Variants in USP49 observed in about 807,000 individuals in gnomAD.
USP49 encodes the protein ubiquitin specific peptidase 49.
Under a neutral mutation model 58.6 loss-of-function variants are expected in USP49, and 24 were observed. That is an observed-to-expected ratio of 0.41 (90% CI 0.30 to 0.58). USP49 has a LOEUF of 0.58. USP49 is among the 20% of genes least tolerant of loss of function. The pLI, the probability that USP49 is intolerant of heterozygous loss-of-function variation, is 0.30. For missense variants in USP49, 703 were observed against 866.1 expected, an observed-to-expected ratio of 0.81 and a Z score of 2.36; for synonymous variants, 408 against 365.1, an observed-to-expected ratio of 1.12 and a Z score of -1.34.
Position 41,806,943 on chromosome 6 carries a change from T to C in USP49, c.41A>G (p.Gln14Arg), listed in dbSNP as rs751209963. ...CTGAGGGTTCAGGATGGAGTGGTCC[T>C]GGGCGAGCCGTAACCGCCCTACATG... The part of the protein sequence containing the change: ...CKHVGRLRLA[Q>R]DHSILNPQKW... Residue 14 changes from glutamine to arginine, a missense_variant, in exon 4 of 8, where the codon CAG becomes CGG. Gln to Arg is a conservative substitution (Grantham distance 43). This residue lies in a region of USP49 where 376 missense variants were observed against 373.5 expected (regional missense o/e 1.01). Coordinates refer to ENST00000682992, the MANE Select transcript of USP49 (RefSeq NM_001286554.2). This position sits in a 1 kb window ranked among gnomAD's most constrained non-coding sequence, Gnocchi z 5.9. The C allele has an allele frequency of 1.3e-6, 2 of 1,591,042 alleles. No individual in the cohort carries two copies. Among genetic ancestry groups the C allele is most frequent in the South Asian group, 2.3e-5 (2 of 87,998 alleles).
intron 3 of USP49, among the ~76,000 whole-genome samples, chr6:41,857,809 T>G (rs1774156071): frequency 6.6e-6 from 1 of 152,232 alleles, no homozygotes; most frequent in Non-Finnish European, 1.5e-5. Flanking sequence ...TATTGTTATC[T>G]CTGTAACACA....
chr6:41,822,489 C>T (rs568580359), intron 3 of USP49, among the ~76,000 whole-genome samples: 1 of 152,274 alleles, frequency 6.6e-6, no homozygotes, highest in African/African-American at 2.4e-5. Context: ...TAGTTCTGTG[C>T]CTCTCCTGCA....
chr6:41,834,604 G>C (rs1166424110), intron 3 of USP49, among the ~76,000 whole-genome samples: 1 of 152,140 alleles, frequency 6.6e-6, no homozygotes, highest in Non-Finnish European at 1.5e-5. Flanking sequence ...TCTTGTGATA[G>C]TGTGTTCTCA....
intron 5 of USP49, among the ~76,000 whole-genome samples, chr6:41,801,266 G>A (rs1225067331): frequency 6.6e-6 from 1 of 152,188 alleles, no homozygotes; most frequent in African/African-American, 2.4e-5. Flanking sequence ...CCTGTTAATT[G>A]TCTTGAGCTG....
Position 41,803,913 on chromosome 6 carries a change from C to G in USP49, c.1454G>C (p.Gly485Ala). The change falls in exon 5 of 8, where the codon GGG (glycine) becomes GCG (alanine). Residue 485 changes from glycine (G) to alanine (A), a missense_variant. By Grantham distance (60) the Gly-to-Ala change is moderately conservative. Coordinates refer to ENST00000682992, the MANE Select transcript of USP49 (RefSeq NM_001286554.2). The surrounding 1 kb of genome is among the most constrained non-coding windows in gnomAD (Gnocchi z 4.1). Reference sequence around the variant, plus strand: ...CTCTGTTTGATTCAAAGGGACAAACCCCTTTTCTATGCAGTGATAGCGTTC... The same window carrying G: ...CTCTGTTTGATTCAAAGGGACAAACGCCTTTTCTATGCAGTGATAGCGTTC... ...FPERYHCIEK[G>A]FVPLNQTECL... is the part of the protein sequence containing the mutation. 6.2e-7 allele frequency: 1 copy of G among 1,614,188 alleles called. No homozygotes were observed. Among genetic ancestry groups the G allele is most frequent in the Non-Finnish European group, 8.5e-7 (1 of 1,180,044 alleles).
intron 3 of USP49, among the ~76,000 whole-genome samples, chr6:41,857,827 C>T (rs1233300028): frequency 6.6e-6 from 1 of 152,206 alleles, no homozygotes; most frequent in East Asian, 1.9e-4. Flanking sequence ...ACAGGCATTA[C>T]ATGCATACTT....
Position 41,807,029 on chromosome 6 carries a change from C to T in USP49, c.-28-18G>A, listed in dbSNP as rs979330918. The T allele has an allele frequency of 7.5e-7, 1 of 1,332,264 alleles. No individual in the cohort carries two copies. Among genetic ancestry groups the T allele is most frequent in the Non-Finnish European group, 9.7e-7 (1 of 1,034,014 alleles). The allele number at this position is 1,332,264 out of a possible 1,614,324, so 82.5% of individuals were successfully genotyped here. ...TTCTCAACCTGGCACGACAGAGTCC[C>T]CAAAAAAGAAAAAGAAAAAGAAAAC... On this transcript the variant is annotated intron_variant, in intron 3 of 7. Coordinates refer to ENST00000682992, the MANE Select transcript of USP49 (RefSeq NM_001286554.2).
intron 5 of USP49, among the ~76,000 whole-genome samples, chr6:41,802,480 T>TTTTTTTTTTA (rs2127320141): frequency 2.2e-5 from 1 of 45,274 alleles, no homozygotes; most frequent in Non-Finnish European, 4.0e-5. Flanking sequence ...TTTTTATTTA[T>TTTTTTTTTTA]TTTTTTTTTT....
chr6:41,839,404 CAAAAAAAAAAAAAA>C (rs538220746), intron 3 of USP49, among the ~76,000 whole-genome samples: 1,775 of 22,400 alleles, frequency 0.079, 68 homozygotes, highest in African/African-American at 0.21. Context: ...GGCCTTGTCT[CAAAAAAAAAAAAAA>C]AAAAAAAAAA....
At chr6:41,832,701 T>A (rs960521073) in intron 3 of USP49, among the ~76,000 whole-genome samples, 4 of 152,006 alleles carry the variant, frequency 2.6e-5, no homozygotes, top group Non-Finnish European at 5.9e-5. Flanking sequence ...CAAAAAAAAA[T>A]TTTCTGAGCA....
At chr6:41,838,505 A>C (rs905317214) in intron 3 of USP49, among the ~76,000 whole-genome samples, 2 of 152,158 alleles carry the variant, frequency 1.3e-5, no homozygotes, top group African/African-American at 4.8e-5. Context: ...GGGTAGCTAG[A>C]CCCAAAAGAG....
intron 2 of USP49, chr6:41,873,124 G>A (rs1774444014): frequency 6.6e-6 from 1 of 152,284 alleles, no homozygotes; most frequent in South Asian, 2.1e-4. Flanking sequence ...GAAAGAAAAA[G>A]AAGAAAAGAG....
At chr6:41,831,580 CAAA>C (rs57125790) in intron 3 of USP49, among the ~76,000 whole-genome samples, 50,117 of 113,990 alleles carry the variant, frequency 0.44, 9,846 homozygotes, top group East Asian at 0.53. Flanking sequence ...AACTCCATCT[CAAA>C]AAAAAAAAAA....
At chr6:41,839,548 C>T (rs897119293) in intron 3 of USP49, among the ~76,000 whole-genome samples, 1 of 145,600 alleles carries the variant, frequency 6.9e-6, no homozygotes, top group Non-Finnish European at 1.5e-5. Flanking sequence ...CAGAACAGAC[C>T]TAAAATAAAT....
intron 4 of USP49, among the ~76,000 whole-genome samples, chr6:41,804,743 TTTTG>T (rs1252676927): frequency 1.3e-5 from 2 of 151,966 alleles, no homozygotes; most frequent in South Asian, 2.1e-4. Flanking sequence ...CACCACGTTT[TTTTG>T]TTTGTTTTTT....
At chr6:41,877,516 A>T (rs773109829) in intron 2 of USP49, among the ~76,000 whole-genome samples, 9 of 152,092 alleles carry the variant, frequency 5.9e-5, no homozygotes, top group Admixed American at 2.0e-4. Flanking sequence ...GGTACAAAGG[A>T]CATATTAATA....
intron 7 of USP49, chr6:41,798,404 C>A: frequency 2.5e-6 from 1 of 398,134 alleles, no homozygotes; most frequent in East Asian, 6.3e-5. Flanking sequence ...CTCTTGAGTA[C>A]CTGGGATTAC....
At chr6:41,841,154 C>T (rs1773820966) in intron 3 of USP49, among the ~76,000 whole-genome samples, 1 of 152,120 alleles carries the variant, frequency 6.6e-6, no homozygotes, top group African/African-American at 2.4e-5. Context: ...TGTCTGTCTC[C>T]CAAACTAACC....
At chr6:41,818,335 G>A (rs1048855468) in intron 3 of USP49, among the ~76,000 whole-genome samples, 6 of 152,154 alleles carry the variant, frequency 3.9e-5, no homozygotes, top group Non-Finnish European at 8.8e-5. Context: ...CACTGGGAGA[G>A]CACGTGTACA....
Sources: allele counts gnomAD v4.1 joint callset (sites outside exome capture counted in the v4.1 genomes callset), GRCh38; gene constraint gnomAD v4.1.1; regional missense constraint gnomAD v4.1.1; non-coding constraint Gnocchi (gnomAD v3.1); transcripts MANE v1.5; gene names NCBI Gene and HGNC (gene_info 2026-07-23, HGNC 2026-07-21).